The following CNOT1 variants were observed in gnomAD, a reference collection of about 807,000 sequenced individuals.
CNOT1 encodes CCR4-associated factor 1.
A neutral mutation model predicts 273.8 loss-of-function variants in CNOT1; 15 were observed. The observed-to-expected ratio is 0.05, with a 90% CI of 0.04 to 0.08. CNOT1 has a LOEUF of 0.08. Among genes scored for constraint, CNOT1 ranks in the 10% least tolerant of loss-of-function variants. CNOT1 has a pLI of 1.00. For synonymous variants in CNOT1, 1,022 were observed against 1,005.5 expected, an observed-to-expected ratio of 1.02 and a Z score of -0.31; for missense variants, 1,644 against 2,912.2, an observed-to-expected ratio of 0.56 and a Z score of 10.02.
At chr16:58,571,175 C>A (rs1451919467) in intron 16 of CNOT1, among the ~76,000 whole-genome samples, 1 of 152,034 alleles carries the variant, frequency 6.6e-6, no homozygotes, top group Admixed American at 6.6e-5. Flanking sequence ...AATGGTTATA[C>A]TAGTATCAAA....
chr16:58,552,501 G>A (rs2151932238), intron 22 of CNOT1, among the ~76,000 whole-genome samples: 1 of 152,196 alleles, frequency 6.6e-6, no homozygotes, highest in East Asian at 1.9e-4. Flanking sequence ...AGTTTTGAGT[G>A]ATCACTCCCC....
chr16:58,543,380 A>C (rs955463962), intron 31 of CNOT1: 3 of 1,540,498 alleles, frequency 1.9e-6, no homozygotes, highest in Middle Eastern at 1.7e-4. Context: ...GGTATCTACT[A>C]TCTGTCAAAC....
At chr16:58,627,014 T>C (rs778947274) in intron 1 of CNOT1, among the ~76,000 whole-genome samples, 4 of 152,010 alleles carry the variant, frequency 2.6e-5, no homozygotes, top group African/African-American at 4.8e-5. Context: ...TCAATTAGAA[T>C]TATTGTGGAC....
chr16:58,608,054 T>C (rs1363748250), intron 1 of CNOT1, among the ~76,000 whole-genome samples: 1 of 151,696 alleles, frequency 6.6e-6, no homozygotes, highest in African/African-American at 2.4e-5. Flanking sequence ...CTAGCACCTG[T>C]AGTCCCACCT....
intron 38 of CNOT1, among the ~76,000 whole-genome samples, chr16:58,537,537 T>C (rs545672324): frequency 6.6e-6 from 1 of 152,372 alleles, no homozygotes; most frequent in South Asian, 2.1e-4. Context: ...TTACTTCTCT[T>C]GATTTCCAAT....
At position 58,555,313 on chromosome 16, in the gene CNOT1, G is replaced by A; in HGVS notation, c.2829C>T (p.Arg943=). 2 of 1,614,152 alleles carry A rather than the reference G, an allele frequency of 1.2e-6. No individual in the cohort carries two copies. Among genetic ancestry groups the A allele is most frequent in the East Asian group, 4.5e-5 (2 of 44,880 alleles). The part of the protein sequence containing the change: ...LALRYVLEAL[R]KPFGSKMYYF... ...AATACATTTTGGATCCAAAAGGCTT[G>A]CGTAAGGCTTCAAGAACATATCGTA... is the stretch of plus-strand genomic sequence containing the variant. The change falls in exon 21 of 49, where the codon CGC becomes CGT. Residue 943 remains arginine (R), a synonymous_variant. Transcript: ENST00000317147.
At chr16:58,522,237 C>CAAAAAAAAAAAAAA (rs56149974) in intron 47 of CNOT1, among the ~76,000 whole-genome samples, 4 of 98,592 alleles carry the variant, frequency 4.1e-5, no homozygotes, top group African/African-American at 1.7e-4. Context: ...GAGACTGTCT[C>CAAAAAAAAAAAAAA]AAAAAAAAAA....
At chr16:58,527,290 A>C (rs2039625485) in intron 44 of CNOT1, among the ~76,000 whole-genome samples, 1 of 151,996 alleles carries the variant, frequency 6.6e-6, no homozygotes, top group East Asian at 1.9e-4. Context: ...TTGGGAGGCC[A>C]AGGCAGGCAG....
chr16:58,604,354 T>C (rs1326016393), intron 1 of CNOT1, among the ~76,000 whole-genome samples: 1 of 152,186 alleles, frequency 6.6e-6, no homozygotes, highest in African/African-American at 2.4e-5. Flanking sequence ...TTCCAAGATA[T>C]TCATTCACTA....
At chr16:58,546,821 T>G in intron 27 of CNOT1, 72 bp from the exon 28 acceptor site, 1 of 1,587,542 alleles carries the variant, frequency 6.3e-7, no homozygotes, top group Non-Finnish European at 8.6e-7. Flanking sequence ...AACAATTCAA[T>G]ACAACATAAG....
intron 1 of CNOT1, among the ~76,000 whole-genome samples, chr16:58,622,305 CTG>C (rs1413577743): frequency 1.7e-5 from 2 of 116,102 alleles, no homozygotes; most frequent in Non-Finnish European, 3.2e-5. Context: ...CAGAGCGAGA[CTG>C]TATCTCAAAA....
intron 27 of CNOT1, 79 bp from the exon 28 acceptor site, chr16:58,546,828 T>C: frequency 1.3e-6 from 2 of 1,568,202 alleles, no homozygotes; most frequent in Non-Finnish European, 1.7e-6. Flanking sequence ...CAATACAACA[T>C]AAGGGGGTAG....
chr16:58,553,399 C>T (rs1197884843), intron 22 of CNOT1, among the ~76,000 whole-genome samples: 3 of 152,134 alleles, frequency 2.0e-5, no homozygotes, highest in Non-Finnish European at 4.4e-5. Flanking sequence ...CATATTAACT[C>T]AAAAATTTCA....
In CNOT1 at chr16:58,587,422, A is replaced by G; in HGVS notation, c.310-9T>C. On this transcript the variant is annotated splice_polypyrimidine_tract_variant and intron_variant, in intron 4 of 48. Transcript: ENST00000317147. ...GGTGCAGGCTTTAAACTCTGAAACA[A>G]ACCAAATTTTAGTTTAAAATAAGAA... 6.2e-7 allele frequency: 1 copy of G among 1,611,420 alleles called. No individual in the cohort carries two copies. The highest frequency in any genetic ancestry group is 8.5e-7 in the Non-Finnish European group (1 of 1,179,614).
intron 1 of CNOT1, among the ~76,000 whole-genome samples, chr16:58,617,513 T>G (rs145040954): frequency 2.0e-5 from 3 of 152,184 alleles, no homozygotes; most frequent in African/African-American, 7.2e-5. Context: ...AGAATACTCA[T>G]TGGTGCATAT....
intron 13 of CNOT1, among the ~76,000 whole-genome samples, chr16:58,577,073 A>AT (rs1366682170): frequency 1.4e-4 from 18 of 130,268 alleles, no homozygotes; most frequent in Admixed American, 7.9e-4. Flanking sequence ...AGAATCTTTG[A>AT]TTTTTTTAAT....
At position 58,537,250 on chromosome 16, in the gene CNOT1, G is replaced by A. The variant is rs1227847131; in HGVS notation, c.5415-30C>T. On this transcript the variant is annotated intron_variant, in intron 38 of 48. Transcript: ENST00000317147. ...CACAATAAATAAAGGGTGAAAATCA[G>A]TCTCCTCGTAGTTGTGATTTTACAG... The A allele has an allele frequency of 3.9e-6, 6 of 1,549,518 alleles. No homozygotes were observed. The East Asian group carries it at 9.0e-5, about 23-fold the overall frequency.
intron 44 of CNOT1, among the ~76,000 whole-genome samples, chr16:58,526,599 G>A (rs912175993): frequency 1.3e-5 from 2 of 151,236 alleles, no homozygotes; most frequent in Non-Finnish European, 2.9e-5. Flanking sequence ...CGAGGTAGGC[G>A]GATCACCTGA....
At chr16:58,582,740 G>C in intron 10 of CNOT1, 53 bp downstream of exon 10, 1 of 1,071,064 alleles carries the variant, frequency 9.3e-7, no homozygotes, top group Admixed American at 1.8e-5. Flanking sequence ...TGCTTTCTTT[G>C]GACTATATCA....
Sources: gnomAD v4.1 joint callset for allele counts (sites outside exome capture counted in the v4.1 genomes callset) on GRCh38, gnomAD v4.1.1 for gene constraint, MANE v1.5 for transcripts, NCBI Gene and HGNC (gene_info 2026-07-23, HGNC 2026-07-21) for gene names.